Variants in CSGALNACT1 observed in about 807,000 individuals in gnomAD.
CSGALNACT1 encodes the protein beta4GalNAcT-1.
CSGALNACT1 carries 52 observed loss-of-function variants against 51.0 expected under a neutral mutation model. The observed-to-expected ratio is 1.02, with a 90% confidence interval of 0.82 to 1.29. The LOEUF (loss-of-function observed/expected upper bound fraction) is 1.29. CSGALNACT1 is among the 50% of genes most tolerant of loss of function. The probability of loss-of-function intolerance (pLI) is 0.00; values close to 1 mark genes in which losing one functional copy is unlikely to be tolerated. For missense variants in CSGALNACT1, 935 were observed against 679.2 expected (o/e 1.38, Z -4.19); for synonymous variants, 341 against 254.4 (o/e 1.34, Z -3.24).
At chr8:19,560,396 C>T (rs1588343883) in intron 3 of CSGALNACT1, among the ~76,000 whole-genome samples, 1 of 152,100 alleles carries the variant, frequency 6.6e-6, no homozygotes, top group African/African-American at 2.4e-5. Flanking sequence ...AATATGACTA[C>T]ATCAAAATTA....
intron 8 of CSGALNACT1, among the ~76,000 whole-genome samples, chr8:19,408,949 AACACACAC>A (rs5889870): frequency 1.4e-5 from 2 of 142,216 alleles, no homozygotes; most frequent in South Asian, 2.4e-4. Context: ...TAGATATGAA[AACACACAC>A]ACACACACAC....
At chr8:19,705,551 T>C (rs1378370802) in intron 1 of CSGALNACT1, among the ~76,000 whole-genome samples, 3 of 151,932 alleles carry the variant, frequency 2.0e-5, no homozygotes, top group East Asian at 3.9e-4. Flanking sequence ...GCTTAGGCAA[T>C]ATGATGAAAC....
At position 19,674,934 on chromosome 8, in the gene CSGALNACT1, G is replaced by A. The variant is rs555711084; in HGVS notation, c.-544+7539C>T. On this transcript the variant is annotated intron_variant, in intron 1 of 9. Transcript: ENST00000332246. The stretch of plus-strand genomic sequence containing the variant: ...TTCTGGCCTGAACAATGAAAGCAGG[G>A]CATTGCCCATCTTGAAGTCGGGGAA... Among the ~76,000 whole-genome samples, 3 of 152,298 alleles carry A rather than the reference G, an allele frequency of 2.0e-5. No homozygotes were observed. The South Asian group carries it at 6.2e-4, about 32-fold the overall frequency.
At chr8:19,471,703 TAG>T (rs1485874726) in intron 4 of CSGALNACT1, among the ~76,000 whole-genome samples, 1 of 151,910 alleles carries the variant, frequency 6.6e-6, no homozygotes, top group Non-Finnish European at 1.5e-5. Context: ...TAAGGAAAGG[TAG>T]AGTACAAGGA....
At chr8:19,747,342 G>C (rs971377019) in intron 1 of CSGALNACT1, among the ~76,000 whole-genome samples, 1 of 152,134 alleles carries the variant, frequency 6.6e-6, no homozygotes, top group African/African-American at 2.4e-5. Flanking sequence ...AGGGTCTAAG[G>C]AGGCGTTCCC....
chr8:19,649,194 G>A (rs1163183295), intron 1 of CSGALNACT1, among the ~76,000 whole-genome samples: 1 of 152,176 alleles, frequency 6.6e-6, no homozygotes, highest in African/African-American at 2.4e-5. Flanking sequence ...GGAGGCACAA[G>A]GAGGTTTAGT....
intron 6 of CSGALNACT1, among the ~76,000 whole-genome samples, chr8:19,435,221 G>C (rs181556686): frequency 5.3e-5 from 8 of 152,120 alleles, no homozygotes; most frequent in African/African-American, 1.9e-4. Flanking sequence ...TTGGCCAGGC[G>C]CGGTTGCTCA....
At chr8:19,660,431 A>G (rs779686860) in intron 1 of CSGALNACT1, among the ~76,000 whole-genome samples, 7 of 152,216 alleles carry the variant, frequency 4.6e-5, no homozygotes, top group Non-Finnish European at 7.3e-5. Context: ...AGTGGCAGAA[A>G]TAAGACTCAA....
At chr8:19,438,283 C>T (rs1316775461) in intron 6 of CSGALNACT1, among the ~76,000 whole-genome samples, 1 of 152,166 alleles carries the variant, frequency 6.6e-6, no homozygotes, top group Non-Finnish European at 1.5e-5. Flanking sequence ...ATTGTGGCTT[C>T]ACTTTAGAAT....
upstream of CSGALNACT1, among the ~76,000 whole-genome samples, chr8:19,687,568 C>T (rs1034479688): frequency 2.6e-5 from 4 of 152,158 alleles, no homozygotes; most frequent in African/African-American, 4.8e-5. Flanking sequence ...TATGTTACTC[C>T]GTCCATGTTG....
chr8:19,441,489 A>G (rs574923229), intron 5 of CSGALNACT1, among the ~76,000 whole-genome samples: 162 of 152,324 alleles, frequency 1.1e-3, no homozygotes, highest in African/African-American at 3.7e-3. Flanking sequence ...TACTTAATAA[A>G]TGGTGCTGGG....
At chr8:19,470,126 G>A (rs1231235602) in intron 4 of CSGALNACT1, among the ~76,000 whole-genome samples, 1 of 152,140 alleles carries the variant, frequency 6.6e-6, no homozygotes, top group Non-Finnish European at 1.5e-5. Flanking sequence ...AAGGTGAGAG[G>A]TGGATGGGAC....
chr8:19,407,250 T>C (rs2054409072), intron 9 of CSGALNACT1, among the ~76,000 whole-genome samples: 1 of 152,092 alleles, frequency 6.6e-6, no homozygotes, highest in Non-Finnish European at 1.5e-5. Flanking sequence ...TTGTAGTTCA[T>C]GTCATCTCTG....
At chr8:19,473,597 C>T (rs1181498816) in intron 4 of CSGALNACT1, among the ~76,000 whole-genome samples, 2 of 152,218 alleles carry the variant, frequency 1.3e-5, no homozygotes, top group Non-Finnish European at 2.9e-5. Context: ...AGGTTTCCCA[C>T]TTCCTAGTCT....
At chr8:19,629,030 A>G (rs1589136415) in intron 1 of CSGALNACT1, among the ~76,000 whole-genome samples, 1 of 152,194 alleles carries the variant, frequency 6.6e-6, no homozygotes. Context: ...GAGAGAGGGA[A>G]GGCACATTCT....
chr8:19,695,586 T>C (rs546924352), intron 1 of CSGALNACT1, among the ~76,000 whole-genome samples: 2 of 152,350 alleles, frequency 1.3e-5, no homozygotes, highest in African/African-American at 4.8e-5. Flanking sequence ...AATTAAAGCA[T>C]GATGAAATAA....
At chr8:19,504,377 G>A (rs2076937468) in intron 4 of CSGALNACT1, among the ~76,000 whole-genome samples, 2 of 152,204 alleles carry the variant, frequency 1.3e-5, no homozygotes, top group African/African-American at 4.8e-5. Context: ...CACCCGGCCA[G>A]ATGAATTATA....
chr8:19,513,428 C>CTATA (rs1369189523), intron 3 of CSGALNACT1, among the ~76,000 whole-genome samples: 7 of 82,920 alleles, frequency 8.4e-5, no homozygotes, highest in East Asian at 5.3e-4. Context: ...CTCTCTCTCT[C>CTATA]TCTCTCTCTA....
intron 1 of CSGALNACT1, among the ~76,000 whole-genome samples, chr8:19,755,668 G>A (rs891151211): frequency 6.6e-6 from 1 of 152,060 alleles, no homozygotes; most frequent in Non-Finnish European, 1.5e-5. Flanking sequence ...GGAAGAAGCC[G>A]CCTGGAGCTC....
Sources: allele counts gnomAD v4.1 joint callset (sites outside exome capture counted in the v4.1 genomes callset), GRCh38; gene constraint gnomAD v4.1.1; transcripts MANE v1.5; gene names NCBI Gene and HGNC (gene_info 2026-07-23, HGNC 2026-07-21).